Variants in PCDH15 observed in about 807,000 individuals in gnomAD.
PCDH15 encodes the protein protocadherin-15.
A neutral mutation model predicts 178.5 loss-of-function variants in PCDH15; 129 were observed. That is an observed-to-expected ratio of 0.72 (90% CI 0.63 to 0.84). The LOEUF is 0.84. PCDH15 is among the 40% of genes least tolerant of loss of function. PCDH15 has a pLI of 0.00. For synonymous variants in PCDH15, 800 were observed against 732.0 expected (o/e 1.09, Z -1.50); for missense variants, 2,230 against 2,099.9 (o/e 1.06, Z -1.21).
At chr10:54,277,293 A>G (rs12241137) in intron 8 of PCDH15, among the ~76,000 whole-genome samples, 74,415 of 151,298 alleles carry the variant, frequency 0.49, 19,294 homozygotes, top group Middle Eastern at 0.6. Flanking sequence ...CCTAAAATAT[A>G]TGATATAGTC....
At chr10:54,273,842 C>T (rs1298541104) in intron 8 of PCDH15, among the ~76,000 whole-genome samples, 2 of 152,048 alleles carry the variant, frequency 1.3e-5, no homozygotes, top group Non-Finnish European at 2.9e-5. Flanking sequence ...CCCTCTGGAA[C>T]ACCCTTTTAT....
intron 2 of PCDH15, among the ~76,000 whole-genome samples, chr10:55,427,146 C>A (rs986620706): frequency 5.9e-5 from 9 of 152,174 alleles, no homozygotes; most frequent in African/African-American, 2.2e-4. Context: ...CCTCCTGTCC[C>A]TATCACTACA....
chr10:54,364,443 TG>T (rs1946511554), intron 5 of PCDH15, among the ~76,000 whole-genome samples: 1 of 152,162 alleles, frequency 6.6e-6, no homozygotes, highest in Non-Finnish European at 1.5e-5. Flanking sequence ...ATTTTAGCCA[TG>T]TGGGGGACAT....
chr10:54,892,990 G>T (rs1341604131), intron 3 of PCDH15, among the ~76,000 whole-genome samples: 1 of 151,660 alleles, frequency 6.6e-6, no homozygotes, highest in Non-Finnish European at 1.5e-5. Context: ...ATCTCCTCCT[G>T]GACTTTTCAA....
intron 4 of PCDH15, among the ~76,000 whole-genome samples, chr10:54,376,802 G>A (rs966546635): frequency 1.3e-5 from 2 of 151,784 alleles, no homozygotes; most frequent in Non-Finnish European, 2.9e-5. Context: ...TTAGTAAAAT[G>A]GATAAAACTC....
chr10:53,958,978 CAAAAAAAAAA>C (rs71004497), intron 23 of PCDH15, among the ~76,000 whole-genome samples: 1 of 45,828 alleles, frequency 2.2e-5, no homozygotes, highest in Non-Finnish European at 3.7e-5. Flanking sequence ...GACTCCATCT[CAAAAAAAAAA>C]AAAAAAAAAA....
chr10:54,606,829 C>T (rs2092761989), intron 2 of PCDH15: 1 of 152,038 alleles, frequency 6.6e-6, no homozygotes, highest in Non-Finnish European at 1.5e-5. Flanking sequence ...AAGGCCAAGT[C>T]ACATCAAACC....
chr10:55,087,175 T>G (rs1222586046), intron 2 of PCDH15, among the ~76,000 whole-genome samples: 1 of 152,096 alleles, frequency 6.6e-6, no homozygotes, highest in Non-Finnish European at 1.5e-5. Context: ...GTGGAGAGAC[T>G]TTAGATGAAT....
chr10:55,283,853 A>G (rs1842797334), intron 1 of PCDH15, among the ~76,000 whole-genome samples: 1 of 152,138 alleles, frequency 6.6e-6, no homozygotes, highest in Non-Finnish European at 1.5e-5. Flanking sequence ...GAAAAAGAAG[A>G]ACAACTCATA....
chr10:54,462,507 CTTTTCTT>C (rs2077238376), intron 3 of PCDH15, among the ~76,000 whole-genome samples: 1 of 98,814 alleles, frequency 1.0e-5, no homozygotes, highest in Non-Finnish European at 2.0e-5. Context: ...TTTTCTTTTT[CTTTTCTT>C]TTTTTTTTTT....
chr10:54,266,268 C>T (rs7073516), intron 8 of PCDH15, among the ~76,000 whole-genome samples: 106,396 of 151,284 alleles, frequency 0.7, 38,288 homozygotes, highest in Middle Eastern at 0.77. Flanking sequence ...CAAATGAAAA[C>T]AGAGACACAA....
chr10:55,274,003 T>G (rs1842519809), intron 1 of PCDH15, among the ~76,000 whole-genome samples: 1 of 152,244 alleles, frequency 6.6e-6, no homozygotes, highest in East Asian at 1.9e-4. Flanking sequence ...TGTATGTATG[T>G]ATGTGTGTGT....
intron 1 of PCDH15, among the ~76,000 whole-genome samples, chr10:55,203,746 C>T (rs1354979493): frequency 6.6e-6 from 1 of 152,022 alleles, no homozygotes; most frequent in African/African-American, 2.4e-5. Flanking sequence ...GGAAAGATTC[C>T]TAATATCCAC....
chr10:55,139,916 C>G (rs1472180037), intron 2 of PCDH15, among the ~76,000 whole-genome samples: 5 of 151,808 alleles, frequency 3.3e-5, no homozygotes, highest in Non-Finnish European at 7.4e-5. Flanking sequence ...GACATTGTGT[C>G]TATAATTATT....
At chr10:55,028,335 A>G (rs1840526844) in intron 2 of PCDH15, among the ~76,000 whole-genome samples, 1 of 151,954 alleles carries the variant, frequency 6.6e-6, no homozygotes, top group Admixed American at 6.6e-5. Context: ...TAAATCTAAG[A>G]AGAAAATTTC....
chr10:54,353,085 T>C (rs889451072), intron 5 of PCDH15, among the ~76,000 whole-genome samples: 1 of 152,128 alleles, frequency 6.6e-6, no homozygotes, highest in African/African-American at 2.4e-5. Flanking sequence ...ATTATGAAAT[T>C]ACAATGTCTC....
Position 55,618,168 on chromosome 10 carries a change from G to T in PCDH15, c.-156+9457C>A, listed in dbSNP as rs552660946. On this transcript the variant is annotated intron_variant, in intron 2 of 5. Coordinates refer to the PCDH15 transcript ENST00000613346. The stretch of plus-strand genomic sequence containing the variant: ...TTTATTAAATTATAGCTACTTGAAG[G>T]CTTTGAAAAATTGAACACCAGTAAA... Among the ~76,000 whole-genome samples, 59 of 151,986 alleles carry T rather than the reference G, an allele frequency of 3.9e-4. 1 individual carries two copies. In the South Asian group the frequency reaches 0.012, roughly 31 times the overall value.
At chr10:55,175,663 C>CAAAAAAAAAAAAA in intron 1 of PCDH15, among the ~76,000 whole-genome samples, 1 of 106,670 alleles carries the variant, frequency 9.4e-6, no homozygotes, top group Non-Finnish European at 1.9e-5. Flanking sequence ...GACTCTGTCT[C>CAAAAAAAAAAAAA]AAAAAAAAAA....
chr10:54,690,440 G>A (rs949090425), intron 1 of PCDH15, among the ~76,000 whole-genome samples: 4 of 149,516 alleles, frequency 2.7e-5, no homozygotes, highest in African/African-American at 9.9e-5. Context: ...TCAGTCTCCC[G>A]AGTAGCTGGG....
Sources: allele counts gnomAD v4.1 joint callset (sites outside exome capture counted in the v4.1 genomes callset), GRCh38; gene constraint gnomAD v4.1.1; transcripts MANE v1.5; gene names NCBI Gene and HGNC (gene_info 2026-07-23, HGNC 2026-07-21).